The following TMEFF2 variants were observed in gnomAD, a reference collection of about 807,000 sequenced individuals.
TMEFF2 encodes the protein transmembrane protein with EGF like and two follistatin like domains 2.
Under a neutral mutation model 53.8 loss-of-function variants are expected in TMEFF2, and 28 were observed. The ratio of observed to expected loss-of-function variants is 0.52; its 90% CI spans 0.39 to 0.71. TMEFF2 has a LOEUF of 0.71. Ranked by LOEUF, TMEFF2 falls within the 30% of genes least tolerant of loss-of-function variation. The probability of loss-of-function intolerance (pLI) is 0.00; values close to 1 mark genes in which losing one functional copy is unlikely to be tolerated. For synonymous variants in TMEFF2, 162 were observed against 166.3 expected (o/e 0.97, Z 0.20); for missense variants, 353 against 455.2 (o/e 0.78, Z 2.04).
At chr2:191,971,611 T>C (rs1192668213) in intron 7 of TMEFF2, among the ~76,000 whole-genome samples, 1 of 152,210 alleles carries the variant, frequency 6.6e-6, no homozygotes, top group Non-Finnish European at 1.5e-5. Context: ...ACATGTTTTC[T>C]CTCATGAGGT....
chr2:192,191,110 A>G (rs182651635), intron 2 of TMEFF2, among the ~76,000 whole-genome samples: 1 of 152,268 alleles, frequency 6.6e-6, no homozygotes, highest in Admixed American at 6.5e-5. Context: ...TATAACTTAC[A>G]TGGTGGAAAG....
chr2:191,963,847 A>C (rs1456418025), intron 7 of TMEFF2, among the ~76,000 whole-genome samples: 1 of 152,202 alleles, frequency 6.6e-6, no homozygotes, highest in Non-Finnish European at 1.5e-5. Context: ...TTACTTGAGA[A>C]TCTTACAACA....
chr2:192,109,177 C>T (rs1332381356), intron 4 of TMEFF2, among the ~76,000 whole-genome samples: 5 of 151,984 alleles, frequency 3.3e-5, no homozygotes, highest in African/African-American at 1.2e-4. Flanking sequence ...AATTTTATGT[C>T]ATACGCATTT....
chr2:192,102,939 AT>A lies in TMEFF2; in HGVS notation c.440-45165del, dbSNP rs111786296. On this transcript the variant is annotated intron_variant, in intron 4 of 9. Transcript: ENST00000272771. ...GTAGTTGATCCCTAAAATGAAACTC[AT>A]TTTTTTTTTCTATGAGCATTCCGTG... Among the ~76,000 whole-genome samples, 314 of 148,160 alleles carry A rather than the reference AT, an allele frequency of 2.1e-3. 1 individual carries two copies. Among genetic ancestry groups the A allele is most frequent in the Non-Finnish European group, 3.5e-3 (232 of 66,900 alleles).
chr2:192,148,807 CA>C (rs1690315398), intron 4 of TMEFF2, among the ~76,000 whole-genome samples: 1 of 152,014 alleles, frequency 6.6e-6, no homozygotes, highest in African/African-American at 2.4e-5. Context: ...ATTTACGATT[CA>C]TTTTTGGCAT....
rs1313282079 is a variant in TMEFF2, at chr2:192,138,046, T to C, written c.439+41622A>G. ...ATTGGCCAGGCTGGTCTCAAACTCC[T>C]GACCCCAGGTGATCTGCCTGCCTTG... On this transcript the variant is annotated intron_variant, in intron 4 of 9. Transcript: ENST00000272771. Among the ~76,000 whole-genome samples the C allele has an allele frequency of 3.9e-5, 6 of 152,284 alleles. No homozygotes were observed. In the East Asian group the frequency reaches 1.2e-3, roughly 29 times the overall value.
chr2:191,965,327 T>C (rs1403231105), intron 7 of TMEFF2, among the ~76,000 whole-genome samples: 3 of 152,210 alleles, frequency 2.0e-5, no homozygotes, highest in African/African-American at 7.2e-5. Context: ...AAATTCTAAC[T>C]GAGTAAATCA....
chr2:192,070,514 T>C (rs1688270650), intron 4 of TMEFF2, among the ~76,000 whole-genome samples: 1 of 151,880 alleles, frequency 6.6e-6, no homozygotes, highest in Non-Finnish European at 1.5e-5. Flanking sequence ...AGGATGAAAA[T>C]TCACAGTCTT....
At chr2:192,113,178 A>C (rs904743417) in intron 4 of TMEFF2, among the ~76,000 whole-genome samples, 2 of 152,218 alleles carry the variant, frequency 1.3e-5, no homozygotes, top group Non-Finnish European at 2.9e-5. Flanking sequence ...GAAAATATTT[A>C]GGCTTATACA....
rs73982401 is a variant in TMEFF2, at chr2:192,143,969, C to G, written c.439+35699G>C. Among the ~76,000 whole-genome samples, 631 of 152,202 alleles carry G rather than the reference C, an allele frequency of 4.1e-3. 3 individuals are homozygous for G. Among genetic ancestry groups the G allele is most frequent in the African/African-American group, 0.014 (569 of 41,542 alleles). Reference sequence around the variant, plus strand: ...TTTATTCCATTTAACCATTTATTAGCTATGTGTTCATTCACACAAGTGGTT... The same window carrying G: ...TTTATTCCATTTAACCATTTATTAGGTATGTGTTCATTCACACAAGTGGTT... On this transcript the variant is annotated intron_variant, in intron 4 of 9. Transcript: ENST00000272771.
intron 4 of TMEFF2, among the ~76,000 whole-genome samples, chr2:192,154,185 T>C (rs1294874028): frequency 6.6e-6 from 1 of 151,898 alleles, no homozygotes; most frequent in Non-Finnish European, 1.5e-5. Flanking sequence ...CACTTCAGTA[T>C]TTAGAACCAG....
At position 192,194,411 on chromosome 2, in the gene TMEFF2, G is replaced by C. The variant is rs1384508175; in HGVS notation, c.114C>G (p.Leu38=). 6.2e-7 allele frequency: 1 copy of C among 1,614,080 alleles called. No homozygotes were observed. Among genetic ancestry groups the C allele is most frequent in the East Asian group, 2.2e-5 (1 of 44,856 alleles). The change falls in exon 1 of 10, where the codon CTC becomes CTG. Residue 38 remains leucine, a synonymous_variant. Transcript: ENST00000272771. This position sits in a 1 kb window ranked among gnomAD's most constrained non-coding sequence, Gnocchi z 4.2. ...CACTTAAGGAGGTAGGGAAAGCAGC[G>C]AGCTTCACCGGGCGGGCTACGATGA... is the stretch of plus-strand genomic sequence containing the variant. ...MLLIVARPVK[L]AAFPTSLSDC... is the part of the protein sequence containing the mutation.
At chr2:192,028,569 T>C (rs1687034068) in intron 5 of TMEFF2, 1 of 152,118 alleles carries the variant, frequency 6.6e-6, no homozygotes, top group Admixed American at 6.6e-5. Context: ...CTGAAAATTA[T>C]GACACTGGTG....
At chr2:192,069,705 A>G (rs891042414) in intron 4 of TMEFF2, among the ~76,000 whole-genome samples, 3 of 151,774 alleles carry the variant, frequency 2.0e-5, no homozygotes, top group African/African-American at 7.3e-5. Context: ...CATGAGTTTT[A>G]GAGAAAATTT....
intron 4 of TMEFF2, among the ~76,000 whole-genome samples, chr2:192,060,066 G>A (rs1688007681): frequency 6.7e-6 from 1 of 148,520 alleles, no homozygotes; most frequent in Non-Finnish European, 1.5e-5. Flanking sequence ...TAATAAAAAT[G>A]CCCTGAGATA....
At chr2:192,166,801 A>G (rs1013530515) in intron 4 of TMEFF2, among the ~76,000 whole-genome samples, 1 of 152,196 alleles carries the variant, frequency 6.6e-6, no homozygotes, top group Non-Finnish European at 1.5e-5. Context: ...ATTATTGCTT[A>G]AGAAAAAATG....
intron 4 of TMEFF2, among the ~76,000 whole-genome samples, chr2:192,096,377 A>G (rs1574368741): frequency 6.6e-6 from 1 of 152,290 alleles, no homozygotes; most frequent in Non-Finnish European, 1.5e-5. Flanking sequence ...AAAGGGTACT[A>G]TTATAAGAGG....
intron 4 of TMEFF2, among the ~76,000 whole-genome samples, chr2:192,140,480 C>T (rs1439271906): frequency 6.6e-6 from 1 of 151,668 alleles, no homozygotes; most frequent in Non-Finnish European, 1.5e-5. Flanking sequence ...CTGGTCAGAT[C>T]ATTCACACAG....
At chr2:192,110,250 C>CTCA (rs1689243231) in intron 4 of TMEFF2, among the ~76,000 whole-genome samples, 3 of 152,210 alleles carry the variant, frequency 2.0e-5, no homozygotes, top group Admixed American at 2.0e-4. Flanking sequence ...AAAATATGTC[C>CTCA]ACTGGATTTC....
Sources: allele counts gnomAD v4.1 joint callset (sites outside exome capture counted in the v4.1 genomes callset), GRCh38; gene constraint gnomAD v4.1.1; non-coding constraint Gnocchi (gnomAD v3.1); transcripts MANE v1.5; gene names NCBI Gene and HGNC (gene_info 2026-07-23, HGNC 2026-07-21).